FRMPD1: variants seen among roughly 807,000 people sequenced by gnomAD.
The protein encoded by FRMPD1 is FERM and PDZ domain containing 1.
Under a neutral mutation model 117.8 loss-of-function variants are expected in FRMPD1, and 76 were observed. The observed-to-expected ratio is 0.65, with a 90% CI of 0.54 to 0.78. The LOEUF (loss-of-function observed/expected upper bound fraction) is 0.78. FRMPD1 is among the 30% of genes least tolerant of loss of function. The pLI, the probability that FRMPD1 is intolerant of heterozygous loss-of-function variation, is 0.00. For synonymous variants in FRMPD1, 783 were observed against 770.4 expected (o/e 1.02, Z -0.27); for missense variants, 1,786 against 1,964.5 (o/e 0.91, Z 1.72).
the FRMPD1 span, among the ~76,000 whole-genome samples, chr9:37,638,593 C>A: frequency 2.0e-5 from 3 of 152,252 alleles, no homozygotes; most frequent in East Asian, 3.9e-4. Context: ...TATCTTGGGA[C>A]CATGGTGCAG....
chr9:37,744,938 C>T lies in FRMPD1; in HGVS notation c.2906C>T (p.Pro969Leu), dbSNP rs1285357127. Residue 969 changes from proline to leucine, a missense_variant, in exon 16 of 16, where the codon CCT becomes CTT. Transcript: ENST00000377765. ...VPAASSSASTPHCSNPGSSGP... is the reference protein window; with the variant it reads ...VPAASSSASTLHCSNPGSSGP... ...GCTGCCAGCTCCTCAGCAAGCACTCCTCACTGTTCTAACCCAGGTTCATCT... is the reference window on the plus strand; with the variant it reads ...GCTGCCAGCTCCTCAGCAAGCACTCTTCACTGTTCTAACCCAGGTTCATCT... 1 of 1,614,092 alleles carries T rather than the reference C, an allele frequency of 6.2e-7. No individual in the cohort carries two copies. The highest frequency in any genetic ancestry group is 1.7e-5 in the Admixed American group (1 of 60,008).
intron 2 of FRMPD1, chr9:37,693,034 A>G (rs1278266742): frequency 4.4e-6 from 2 of 454,050 alleles, no homozygotes; most frequent in Non-Finnish European, 8.1e-6. Flanking sequence ...ACTCATACAT[A>G]CTCATACGCA....
chr9:37,729,217 T>C (rs1396783353), intron 7 of FRMPD1, among the ~76,000 whole-genome samples: 1 of 151,364 alleles, frequency 6.6e-6, no homozygotes, highest in Non-Finnish European at 1.5e-5. Flanking sequence ...ACCCCATCTC[T>C]ACTAAAAATA....
chr9:37,739,830 G>A (rs1039970832), intron 14 of FRMPD1, among the ~76,000 whole-genome samples: 2 of 152,174 alleles, frequency 1.3e-5, no homozygotes, highest in East Asian at 1.9e-4. Flanking sequence ...CCTTGGAGGT[G>A]GGGATGGAGT....
At chr9:37,638,018 T>TC in the FRMPD1 span, among the ~76,000 whole-genome samples, 47 of 115,166 alleles carry the variant, frequency 4.1e-4, 3 homozygotes, top group African/African-American at 1.4e-3. Flanking sequence ...CTTTCTTTCT[T>TC]TCTTTCTCTC....
chr9:37,745,145 A>G lies in FRMPD1; in HGVS notation c.3113A>G (p.Gln1038Arg). 1 of 1,613,406 alleles carries G rather than the reference A, an allele frequency of 6.2e-7. No homozygotes were observed. Among genetic ancestry groups the G allele is most frequent in the South Asian group, 1.1e-5 (1 of 91,066 alleles). The change falls in exon 16 of 16, where the codon CAA becomes CGA. Residue 1038 changes from glutamine to arginine, a missense_variant. Transcript: ENST00000377765. ...ASNPGLNNVS[Q>R]GDTLELQLEP... The stretch of plus-strand genomic sequence containing the variant: ...AACCCAGGACTAAATAATGTCTCTC[A>G]AGGAGACACACTAGAGCTCCAGTTG...
At position 37,737,259 on chromosome 9, in the gene FRMPD1, T is replaced by C; in HGVS notation, c.1549+16T>C. On this transcript the variant is annotated intron_variant, in intron 14 of 15. Transcript: ENST00000377765. Reference sequence around the variant, plus strand: ...GCAGAAGAAGGTGAGGCACTGAGTCTTGCCCCAATAAGGACAGGCCCCTTT... The same window carrying C: ...GCAGAAGAAGGTGAGGCACTGAGTCCTGCCCCAATAAGGACAGGCCCCTTT... 1.2e-6 allele frequency: 2 copies of C among 1,613,802 alleles called. No individual in the cohort carries two copies. The highest frequency in any genetic ancestry group is 1.7e-6 in the Non-Finnish European group (2 of 1,179,800).
chr9:37,680,664 G>C (rs1241664970), intron 1 of FRMPD1, among the ~76,000 whole-genome samples: 1 of 152,208 alleles, frequency 6.6e-6, no homozygotes, highest in Non-Finnish European at 1.5e-5. Context: ...GCAAGGCAAG[G>C]TGAGATGGCA....
At chr9:37,744,105 G>A (rs1226938244) in intron 15 of FRMPD1, among the ~76,000 whole-genome samples, 4 of 151,806 alleles carry the variant, frequency 2.6e-5, no homozygotes, top group Non-Finnish European at 4.4e-5. Context: ...CAGGAGAATT[G>A]CTTGAACCTG....
the FRMPD1 span, among the ~76,000 whole-genome samples, chr9:37,621,380 G>A: frequency 3.3e-5 from 5 of 152,252 alleles, no homozygotes; most frequent in South Asian, 4.2e-4. Flanking sequence ...CTCTTGCACC[G>A]TCATCCTCAC....
intron 14 of FRMPD1, 43 bp downstream of exon 14, chr9:37,737,286 A>G (rs2296552): frequency 0.51 from 822,244 of 1,599,368 alleles, 212,375 homozygotes; most frequent in Admixed American, 0.59. Flanking sequence ...GGCCCCTTTC[A>G]CTGGCCTTGT....
rs181001017 is a variant in FRMPD1 at position 37,664,498 on chromosome 9, G to A, written c.-5+13404G>A. Among the ~76,000 whole-genome samples the A allele has an allele frequency of 7.2e-5, 11 of 151,958 alleles. No individual in the cohort carries two copies. In the East Asian group the frequency reaches 2.1e-3, roughly 29 times the overall value. On this transcript the variant is annotated intron_variant, in intron 1 of 15. Transcript: ENST00000377765. ...TACCCCACCCCCGACAGGCCCCGGTGTGTGTTGTTCCCCTCCCCGTGTCCA... is the reference window on the plus strand; with the variant it reads ...TACCCCACCCCCGACAGGCCCCGGTATGTGTTGTTCCCCTCCCCGTGTCCA...
intron 1 of FRMPD1, among the ~76,000 whole-genome samples, chr9:37,660,741 C>T (rs548683515): frequency 6.6e-6 from 1 of 152,206 alleles, no homozygotes; most frequent in Non-Finnish European, 1.5e-5. Flanking sequence ...CAAGGCAATA[C>T]TCCCCAGACA....
At chr9:37,694,586 T>TCA (rs2118047437) in intron 2 of FRMPD1, among the ~76,000 whole-genome samples, 1 of 152,314 alleles carries the variant, frequency 6.6e-6, no homozygotes, top group Admixed American at 6.5e-5. Context: ...CTCACTCTGT[T>TCA]GCCCAGGACG....
intron 1 of FRMPD1, among the ~76,000 whole-genome samples, chr9:37,652,882 A>ATAAAGGG (rs1820721112): frequency 6.6e-6 from 1 of 152,202 alleles, no homozygotes; most frequent in Non-Finnish European, 1.5e-5. Flanking sequence ...GATTCCTGTG[A>ATAAAGGG]ACACTAAGGA....
At chr9:37,645,346 G>C in the FRMPD1 span, among the ~76,000 whole-genome samples, 55 of 152,224 alleles carry the variant, frequency 3.6e-4, no homozygotes, top group African/African-American at 1.3e-3. Flanking sequence ...TTCTAACTGA[G>C]TCATTATGTC....
At chr9:37,645,164 G>T in the FRMPD1 span, among the ~76,000 whole-genome samples, 1 of 151,376 alleles carries the variant, frequency 6.6e-6, no homozygotes, top group Admixed American at 6.6e-5. Flanking sequence ...AGTAATAGAT[G>T]CTGAACCCAG....
At chr9:37,699,486 A>AT (rs1297854501) in intron 2 of FRMPD1, among the ~76,000 whole-genome samples, 4 of 151,204 alleles carry the variant, frequency 2.6e-5, no homozygotes, top group African/African-American at 9.7e-5. Context: ...CGCCTAGCTA[A>AT]TTTTTGTATT....
chr9:37,612,093 T>C, the FRMPD1 span, among the ~76,000 whole-genome samples: 2 of 152,188 alleles, frequency 1.3e-5, no homozygotes, highest in African/African-American at 4.8e-5. Context: ...TGACCATTTA[T>C]AGGCCTAGAA....
Sources: gnomAD v4.1 joint callset for allele counts (sites outside exome capture counted in the v4.1 genomes callset) on GRCh38, gnomAD v4.1.1 for gene constraint, MANE v1.5 for transcripts, NCBI Gene and HGNC (gene_info 2026-07-23, HGNC 2026-07-21) for gene names.